PRIM2: variants seen among roughly 807,000 people sequenced by gnomAD.
PRIM2 encodes DNA primase large subunit.
PRIM2 carries 39 observed loss-of-function variants against 67.3 expected under a neutral mutation model. The ratio of observed to expected loss-of-function variants is 0.58; its 90% confidence interval spans 0.45 to 0.76. The LOEUF (loss-of-function observed/expected upper bound fraction) is 0.76. Among genes scored for constraint, PRIM2 ranks in the 30% least tolerant of loss-of-function variants. PRIM2 has a pLI of 0.00. For synonymous variants in PRIM2, 143 were observed against 198.7 expected, an observed-to-expected ratio of 0.72 and a Z score of 2.36; for missense variants, 398 against 598.7, an observed-to-expected ratio of 0.66 and a Z score of 3.50.
chr6:57,244,588 C>T, the PRIM2 span, among the ~76,000 whole-genome samples: 1 of 151,972 alleles, frequency 6.6e-6, no homozygotes, highest in African/African-American at 2.4e-5. Flanking sequence ...TGGATTAAAC[C>T]CCGTGTCCAC....
At chr6:57,291,310 A>T in the PRIM2 span, among the ~76,000 whole-genome samples, 1 of 152,246 alleles carries the variant, frequency 6.6e-6, no homozygotes, top group African/African-American at 2.4e-5. Flanking sequence ...GAAGAAGTTG[A>T]ATCTTTGAAT....
At chr6:57,266,263 T>C in the PRIM2 span, among the ~76,000 whole-genome samples, 1 of 152,202 alleles carries the variant, frequency 6.6e-6, no homozygotes, top group Admixed American at 6.5e-5. Context: ...TTTAAGCATC[T>C]CAATGTGAAA....
At chr6:57,348,701 C>T (rs574268935) in intron 5 of PRIM2, among the ~76,000 whole-genome samples, 10 of 149,982 alleles carry the variant, frequency 6.7e-5, no homozygotes, top group East Asian at 2.0e-4. Flanking sequence ...TTACAGTGCA[C>T]TGAGTAGTTC....
In PRIM2 at chr6:57,351,186, A is replaced by AT. The variant is rs911033981; in HGVS notation, c.459+25149dup. ...GGGATCAGATGTGTTTTGGATTTCT[A>AT]TTTTTTTTCAGATTTTGGAAAGTTT... On this transcript the variant is annotated intron_variant, in intron 5 of 13. Coordinates refer to ENST00000615550, the MANE Select transcript of PRIM2 (RefSeq NM_000947.5). Among the ~76,000 whole-genome samples the AT allele has an allele frequency of 7.9e-5, 12 of 151,188 alleles. No individual in the cohort carries two copies. In the South Asian group the frequency reaches 8.4e-4, roughly 11 times the overall value.
chr6:57,424,913 A>G (rs1771572525), intron 7 of PRIM2, among the ~76,000 whole-genome samples: 1 of 152,218 alleles, frequency 6.6e-6, no homozygotes, highest in African/African-American at 2.4e-5. Flanking sequence ...TATATATGCA[A>G]ATAAATACTG....
chr6:57,585,104 A>AT (rs1490768110), intron 10 of PRIM2, among the ~76,000 whole-genome samples: 3 of 152,184 alleles, frequency 2.0e-5, no homozygotes, highest in Admixed American at 1.3e-4. Flanking sequence ...TGCTTAACTG[A>AT]TTTTTTTAAG....
At chr6:57,484,129 A>G (rs1773692621) in intron 7 of PRIM2, among the ~76,000 whole-genome samples, 1 of 152,214 alleles carries the variant, frequency 6.6e-6, no homozygotes, top group Non-Finnish European at 1.5e-5. Context: ...TATAGCTAAA[A>G]TTTATTTACT....
intron 10 of PRIM2, among the ~76,000 whole-genome samples, chr6:57,584,359 T>C (rs1776153380): frequency 6.6e-6 from 1 of 152,194 alleles, no homozygotes; most frequent in Admixed American, 6.5e-5. Context: ...GACCTTTCTT[T>C]TGATCTATTG....
chr6:57,224,971 A>G, the PRIM2 span, among the ~76,000 whole-genome samples: 1 of 152,242 alleles, frequency 6.6e-6, no homozygotes. Flanking sequence ...GGAGATTCCT[A>G]TCACCAGAGC....
chr6:57,335,840 C>T (rs1421912170), intron 5 of PRIM2, among the ~76,000 whole-genome samples: 5 of 152,274 alleles, frequency 3.3e-5, no homozygotes, highest in South Asian at 4.1e-4. Context: ...TCACCAGCAA[C>T]GGAACAAAGC....
At chr6:57,312,851 T>A (rs893092005), upstream of PRIM2, among the ~76,000 whole-genome samples, 1 of 152,206 alleles carries the variant, frequency 6.6e-6, no homozygotes, top group African/African-American at 2.4e-5. Context: ...TCTTAAATCA[T>A]CTGGAATTGA....
chr6:57,281,921 C>T, the PRIM2 span, among the ~76,000 whole-genome samples: 1 of 152,206 alleles, frequency 6.6e-6, no homozygotes, highest in Non-Finnish European at 1.5e-5. Flanking sequence ...ACTGACATTG[C>T]TTAAAGCCAG....
intron 7 of PRIM2, among the ~76,000 whole-genome samples, chr6:57,452,667 G>T (rs1398698043): frequency 3.3e-5 from 5 of 152,244 alleles, no homozygotes; most frequent in African/African-American, 1.2e-4. Context: ...TGAGTTCATC[G>T]TAGATTCTGG....
chr6:57,285,800 G>A, the PRIM2 span, among the ~76,000 whole-genome samples: 1 of 152,104 alleles, frequency 6.6e-6, no homozygotes, highest in African/African-American at 2.4e-5. Context: ...ATTCAAATAG[G>A]AAGAGGAAGT....
At chr6:57,388,925 C>G (rs544218312) in intron 7 of PRIM2, among the ~76,000 whole-genome samples, 20 of 152,134 alleles carry the variant, frequency 1.3e-4, no homozygotes, top group African/African-American at 4.8e-4. Context: ...TGTGGGATGT[C>G]AGTGGAGAAG....
chr6:57,387,817 GTACTAGAGA>G (rs1770201179), intron 7 of PRIM2, among the ~76,000 whole-genome samples: 1 of 150,968 alleles, frequency 6.6e-6, no homozygotes, highest in African/African-American at 2.4e-5. Context: ...ATAGGTTTGG[GTACTAGAGA>G]TACTACTTAA....
intron 10 of PRIM2, among the ~76,000 whole-genome samples, chr6:57,572,042 GAATA>G (rs1233864703): frequency 6.6e-6 from 1 of 152,152 alleles, no homozygotes; most frequent in African/African-American, 2.4e-5. Flanking sequence ...TATCGTTCAT[GAATA>G]TTTTGTATCT....
At chr6:57,265,628 T>C in the PRIM2 span, among the ~76,000 whole-genome samples, 7 of 152,228 alleles carry the variant, frequency 4.6e-5, no homozygotes, top group Non-Finnish European at 1.5e-5. Flanking sequence ...TGTTTTAGTT[T>C]AAGTAATCTA....
At chr6:57,636,452 A>T (rs1490948436) in intron 13 of PRIM2, among the ~76,000 whole-genome samples, 4 of 152,178 alleles carry the variant, frequency 2.6e-5, no homozygotes, top group Admixed American at 6.5e-5. Context: ...CCTAAACAAG[A>T]CAAAAGGAAA....
Sources: allele counts gnomAD v4.1 joint callset (sites outside exome capture counted in the v4.1 genomes callset), GRCh38; gene constraint gnomAD v4.1.1; transcripts MANE v1.5; gene names NCBI Gene and HGNC (gene_info 2026-07-23, HGNC 2026-07-21).